Variants in TANC1 observed in about 807,000 individuals in gnomAD.
TANC1 encodes tetratricopeptide repeat, ankyrin repeat and coiled-coil containing 1.
Under a neutral mutation model 149.7 loss-of-function variants are expected in TANC1, and 77 were observed. That is an observed-to-expected ratio of 0.51 (90% CI 0.43 to 0.62). The LOEUF is 0.62. TANC1 is among the 20% of genes least tolerant of loss of function. TANC1 has a pLI of 0.00. For synonymous variants in TANC1, 854 were observed against 925.0 expected (o/e 0.92, Z 1.39); for missense variants, 1,985 against 2,321.8 (o/e 0.85, Z 2.98).
At chr2:159,027,397 G>T (rs1292671196) in intron 2 of TANC1, among the ~76,000 whole-genome samples, 2 of 152,174 alleles carry the variant, frequency 1.3e-5, no homozygotes, top group Non-Finnish European at 2.9e-5. Flanking sequence ...CAAGCTTGTT[G>T]CTACTTTGTG....
intron 4 of TANC1, among the ~76,000 whole-genome samples, chr2:159,127,463 T>G (rs557805992): frequency 6.6e-6 from 1 of 152,364 alleles, no homozygotes; most frequent in South Asian, 2.1e-4. Context: ...TTACGAGGTA[T>G]ATACCCAAAA....
intron 14 of TANC1, among the ~76,000 whole-genome samples, chr2:159,183,828 G>T (rs988996383): frequency 3.0e-4 from 46 of 152,150 alleles, no homozygotes; most frequent in African/African-American, 9.7e-4. Context: ...GACGGGGCAG[G>T]TTGCCTCCTC....
Position 159,027,471 on chromosome 2 carries a change from G to A in TANC1, c.-16+26282G>A, listed in dbSNP as rs568704963. ...CCTCATTTCCGTCTGAGACCTTGTC[G>A]GAATGGCCTTTACTGTTCAAATTTC... is the stretch of plus-strand genomic sequence containing the variant. On this transcript the variant is annotated intron_variant, in intron 2 of 26. Transcript: ENST00000263635. Among the ~76,000 whole-genome samples the A allele has an allele frequency of 4.6e-5, 7 of 152,246 alleles. No homozygotes were observed. The East Asian group carries it at 7.7e-4, about 17-fold the overall frequency.
chr2:159,179,256 G>A, intron 14 of TANC1, 93 bp downstream of exon 14: 1 of 1,467,618 alleles, frequency 6.8e-7, no homozygotes, highest in Non-Finnish European at 9.1e-7. Context: ...TCAATGGAAG[G>A]GCAATCCAGA....
At chr2:159,203,146 C>T (rs1394109942) in intron 19 of TANC1, among the ~76,000 whole-genome samples, 2 of 152,090 alleles carry the variant, frequency 1.3e-5, no homozygotes, top group Non-Finnish European at 2.9e-5. Context: ...TCCCTTGGCT[C>T]ACTCTCCAGT....
intron 4 of TANC1, among the ~76,000 whole-genome samples, chr2:159,135,898 G>A (rs2050613057): frequency 6.6e-6 from 1 of 152,222 alleles, no homozygotes; most frequent in Admixed American, 6.5e-5. Context: ...TTCACAGCAA[G>A]AGAGCAGCTT....
At chr2:159,126,127 A>G (rs1211274942) in intron 4 of TANC1, among the ~76,000 whole-genome samples, 1 of 152,206 alleles carries the variant, frequency 6.6e-6, no homozygotes, top group Non-Finnish European at 1.5e-5. Flanking sequence ...TCATCTAATT[A>G]GTATTCTTAA....
intron 3 of TANC1, among the ~76,000 whole-genome samples, chr2:159,091,130 A>G (rs999596085): frequency 1.3e-5 from 2 of 152,078 alleles, no homozygotes; most frequent in African/African-American, 4.8e-5. Context: ...AAATGACATA[A>G]TGTTGAAAGC....
At chr2:159,071,425 T>A (rs2043147861) in intron 3 of TANC1, among the ~76,000 whole-genome samples, 1 of 152,202 alleles carries the variant, frequency 6.6e-6, no homozygotes, top group Admixed American at 6.5e-5. Context: ...TACCTTTCTC[T>A]CATTAAAACC....
chr2:159,186,398 C>G (rs1352886236), intron 15 of TANC1, among the ~76,000 whole-genome samples: 1 of 152,168 alleles, frequency 6.6e-6, no homozygotes, highest in Non-Finnish European at 1.5e-5. Flanking sequence ...CTCCACCTTG[C>G]AGGGCTCAGA....
At chr2:159,210,330 G>T (rs1487416058) in intron 19 of TANC1, among the ~76,000 whole-genome samples, 3 of 152,152 alleles carry the variant, frequency 2.0e-5, no homozygotes. Flanking sequence ...CCTGAGCCTG[G>T]GGAGCACATC....
intron 2 of TANC1, among the ~76,000 whole-genome samples, chr2:159,020,383 G>A (rs1326692657): frequency 1.3e-5 from 2 of 152,120 alleles, no homozygotes; most frequent in Non-Finnish European, 2.9e-5. Context: ...CGAAGTGCTG[G>A]GATTACAGGT....
intron 1 of TANC1, among the ~76,000 whole-genome samples, chr2:158,993,806 C>T (rs935044826): frequency 6.6e-6 from 1 of 152,238 alleles, no homozygotes; most frequent in Middle Eastern, 3.4e-3. Flanking sequence ...CTAAAGTCAT[C>T]TCCTGGTTTG....
intron 2 of TANC1, among the ~76,000 whole-genome samples, chr2:159,032,405 A>C (rs2149483853): frequency 6.6e-6 from 1 of 152,278 alleles, no homozygotes; most frequent in Admixed American, 6.5e-5. Flanking sequence ...CCATGTGGAT[A>C]TCTCTCCTGG....
chr2:159,057,184 G>A (rs969199390), intron 2 of TANC1, among the ~76,000 whole-genome samples: 1 of 152,148 alleles, frequency 6.6e-6, no homozygotes, highest in East Asian at 1.9e-4. Context: ...CAAAGTGCTG[G>A]GATTACAGGC....
At chr2:159,176,558 C>G in intron 13 of TANC1, 40 bp downstream of exon 13, 2 of 1,469,304 alleles carry the variant, frequency 1.4e-6, no homozygotes, top group Admixed American at 2.0e-5. Context: ...AGTCCCCATT[C>G]CAATTTTACA....
intron 3 of TANC1, among the ~76,000 whole-genome samples, chr2:159,090,479 C>T (rs2045408376): frequency 1.3e-5 from 2 of 152,170 alleles, no homozygotes. Context: ...TTTTCCCAAC[C>T]AGTTAAAACA....
At chr2:159,202,283 G>A (rs2058302981) in intron 19 of TANC1, among the ~76,000 whole-genome samples, 1 of 152,170 alleles carries the variant, frequency 6.6e-6, no homozygotes, top group Admixed American at 6.5e-5. Flanking sequence ...GAAGTAGGTG[G>A]CTCCTGTGTT....
intron 1 of TANC1, among the ~76,000 whole-genome samples, chr2:158,981,100 A>G (rs1276800716): frequency 1.3e-5 from 2 of 152,018 alleles, no homozygotes; most frequent in Non-Finnish European, 2.9e-5. Flanking sequence ...TAGGTCCTAG[A>G]CTAAGATTCC....
Sources: allele counts gnomAD v4.1 joint callset (sites outside exome capture counted in the v4.1 genomes callset), GRCh38; gene constraint gnomAD v4.1.1; transcripts MANE v1.5; gene names NCBI Gene and HGNC (gene_info 2026-07-23, HGNC 2026-07-21).